ZBTB20: variants seen among roughly 807,000 people sequenced by gnomAD.
The protein encoded by ZBTB20 is zinc finger and BTB domain-containing protein 20.
A neutral mutation model predicts 56.9 loss-of-function variants in ZBTB20; 9 were observed. The observed-to-expected ratio is 0.16, with a 90% CI of 0.10 to 0.28. The LOEUF (loss-of-function observed/expected upper bound fraction) is 0.28. ZBTB20 is among the 10% of genes least tolerant of loss of function. ZBTB20 has a pLI of 1.00. For synonymous variants in ZBTB20, 417 were observed against 420.7 expected (o/e 0.99, Z 0.11); for missense variants, 655 against 1,003.0 (o/e 0.65, Z 4.69).
intron 3 of ZBTB20, among the ~76,000 whole-genome samples, chr3:114,958,594 T>G (rs2077330332): frequency 1.3e-5 from 2 of 152,122 alleles, no homozygotes; most frequent in Admixed American, 1.3e-4. Flanking sequence ...ATGTCTGTAA[T>G]CCCAGCACTT....
intron 5 of ZBTB20, among the ~76,000 whole-genome samples, chr3:114,754,312 C>T (rs2067835238): frequency 6.6e-6 from 1 of 152,160 alleles, no homozygotes; most frequent in Admixed American, 6.5e-5. Context: ...AAAAAGGATC[C>T]TGGCAACAAA....
chr3:114,843,843 A>AT (rs35664431), intron 4 of ZBTB20, among the ~76,000 whole-genome samples: 10 of 143,280 alleles, frequency 7.0e-5, no homozygotes, highest in African/African-American at 2.5e-4. Flanking sequence ...CACCCGGCTA[A>AT]TTTTTTTTTT....
At chr3:114,916,649 G>A (rs2075757327) in intron 3 of ZBTB20, among the ~76,000 whole-genome samples, 1 of 152,018 alleles carries the variant, frequency 6.6e-6, no homozygotes, top group Admixed American at 6.6e-5. Context: ...ATGTTTGAAG[G>A]ACATTTCACC....
chr3:114,414,355 A>C (rs2088293031), intron 7 of ZBTB20, among the ~76,000 whole-genome samples: 1 of 152,142 alleles, frequency 6.6e-6, no homozygotes, highest in South Asian at 2.1e-4. Context: ...GAAGATGAGA[A>C]ACACAAGAAA....
chr3:114,975,871 C>T (rs902113566), intron 2 of ZBTB20, among the ~76,000 whole-genome samples: 48 of 152,148 alleles, frequency 3.2e-4, no homozygotes, highest in Non-Finnish European at 6.3e-4. Flanking sequence ...AACATAAGGG[C>T]AGGCACTTTC....
At chr3:114,578,301 A>C (rs998939532) in intron 6 of ZBTB20, among the ~76,000 whole-genome samples, 1 of 152,104 alleles carries the variant, frequency 6.6e-6, no homozygotes, top group East Asian at 1.9e-4. Flanking sequence ...TTGAAAATGA[A>C]ATAGCAATTG....
At chr3:114,816,881 T>G (rs2072951993) in intron 4 of ZBTB20, among the ~76,000 whole-genome samples, 1 of 152,298 alleles carries the variant, frequency 6.6e-6, no homozygotes, top group Admixed American at 6.5e-5. Context: ...GGTTCACCTT[T>G]GTTTGAGACA....
chr3:114,930,620 G>C (rs1421355351), intron 3 of ZBTB20: 1 of 165,052 alleles, frequency 6.1e-6, no homozygotes, highest in Non-Finnish European at 1.3e-5. Flanking sequence ...AGGGAGCAGT[G>C]GCAAGGGCGA....
intron 6 of ZBTB20, among the ~76,000 whole-genome samples, chr3:114,672,536 T>C (rs1450446231): frequency 6.6e-6 from 1 of 152,086 alleles, no homozygotes; most frequent in Non-Finnish European, 1.5e-5. Context: ...AAGATGATGG[T>C]CTTCTCCATC....
At chr3:114,544,857 C>G (rs906501817) in intron 6 of ZBTB20, among the ~76,000 whole-genome samples, 25 of 152,222 alleles carry the variant, frequency 1.6e-4, no homozygotes, top group African/African-American at 5.5e-4. Flanking sequence ...TGTCAAAAAT[C>G]CTATGAGTCA....
At chr3:115,037,057 AAAT>A (rs1282160494) in intron 2 of ZBTB20, among the ~76,000 whole-genome samples, 1 of 152,194 alleles carries the variant, frequency 6.6e-6, no homozygotes. Context: ...AAATCTGATT[AAAT>A]AATAATATAT....
At chr3:114,857,823 A>C (rs997982303) in intron 4 of ZBTB20, among the ~76,000 whole-genome samples, 15 of 152,362 alleles carry the variant, frequency 9.8e-5, no homozygotes, top group Admixed American at 9.8e-4. Context: ...AAAAGAACCA[A>C]GAACAATTCA....
At chr3:114,976,642 T>C (rs1325627840) in intron 2 of ZBTB20, among the ~76,000 whole-genome samples, 1 of 150,976 alleles carries the variant, frequency 6.6e-6, no homozygotes, top group East Asian at 1.9e-4. Flanking sequence ...AAAAAAAAAA[T>C]CTGAAGGACC....
rs565410953 is a variant in ZBTB20 at position 114,514,445 on chromosome 3, T to C, written c.-294-14054A>G. ...GGCTGACATATGGAGACAGGGCCCATAGGAGCAGAGCTTTTCTTACGAATA... is the reference window on the plus strand; with the variant it reads ...GGCTGACATATGGAGACAGGGCCCACAGGAGCAGAGCTTTTCTTACGAATA... On this transcript the variant is annotated intron_variant, in intron 6 of 11. Coordinates refer to ENST00000675478, the MANE Select transcript of ZBTB20 (RefSeq NM_001348800.3). 2.6e-5 allele frequency among the ~76,000 whole-genome samples: 4 copies of C among 152,250 alleles called. No homozygotes were observed. The South Asian group carries it at 8.3e-4, about 32-fold the overall frequency.
intron 4 of ZBTB20, among the ~76,000 whole-genome samples, chr3:114,858,554 T>C (rs1242203472): frequency 6.6e-6 from 1 of 150,726 alleles, no homozygotes; most frequent in African/African-American, 2.4e-5. Context: ...GTGTGTGTGA[T>C]GTTGAAAGAA....
chr3:115,075,041 T>C (rs776679833), intron 1 of ZBTB20, among the ~76,000 whole-genome samples: 25 of 152,186 alleles, frequency 1.6e-4, no homozygotes, highest in Non-Finnish European at 3.1e-4. Context: ...TAACATTAAC[T>C]TTCCTGCTAT....
chr3:114,667,119 T>C lies in ZBTB20; in HGVS notation c.-295+26409A>G, dbSNP rs528729950. On this transcript the variant is annotated intron_variant, in intron 6 of 11. Coordinates refer to ENST00000675478, the MANE Select transcript of ZBTB20 (RefSeq NM_001348800.3). ...CCCATCTATGCCTGAGGTTGCAATT[T>C]CTTTGAATTTCTGCAATCAGACCAT... is the stretch of plus-strand genomic sequence containing the variant. Among the ~76,000 whole-genome samples, 22 of 152,126 alleles carry C rather than the reference T, an allele frequency of 1.4e-4. 1 individual carries two copies. The South Asian group carries it at 3.9e-3, about 27-fold the overall frequency.
chr3:114,716,378 ATC>A lies in ZBTB20; in HGVS notation c.-342-22805_-342-22804del, dbSNP rs745720026. On this transcript the variant is annotated intron_variant, in intron 5 of 11. Coordinates refer to ENST00000675478, the MANE Select transcript of ZBTB20 (RefSeq NM_001348800.3). ...CTCCAGAGGACCAGCGATATTATTA[ATC>A]TTTTAAGACACTATCATATTTCTTC... Among the ~76,000 whole-genome samples, 103 of 152,280 alleles carry A rather than the reference ATC, an allele frequency of 6.8e-4. 1 individual carries two copies. Among genetic ancestry groups the A allele is most frequent in the Non-Finnish European group, 1.0e-3 (71 of 68,004 alleles).
chr3:114,918,829 C>A (rs2075843703), intron 3 of ZBTB20, among the ~76,000 whole-genome samples: 2 of 152,172 alleles, frequency 1.3e-5, no homozygotes, highest in Admixed American at 6.5e-5. Flanking sequence ...TGCTTGGTGT[C>A]AGAGGAGGGG....
Sources: allele counts gnomAD v4.1 joint callset (sites outside exome capture counted in the v4.1 genomes callset), GRCh38; gene constraint gnomAD v4.1.1; transcripts MANE v1.5; gene names NCBI Gene and HGNC (gene_info 2026-07-23, HGNC 2026-07-21).